GASK1B: variants seen among roughly 807,000 people sequenced by gnomAD.
The protein encoded by GASK1B is golgi associated kinase 1B.
Under a neutral mutation model 42.8 loss-of-function variants are expected in GASK1B, and 34 were observed. The ratio of observed to expected loss-of-function variants is 0.79; its 90% CI spans 0.60 to 1.06. The LOEUF is 1.06. Among genes scored for constraint, GASK1B ranks in the 50% least tolerant of loss-of-function variants. The pLI, the probability that GASK1B is intolerant of heterozygous loss-of-function variation, is 0.00. For synonymous variants in GASK1B, 262 were observed against 259.1 expected (o/e 1.01, Z -0.11); for missense variants, 686 against 661.0 (o/e 1.04, Z -0.42).
intron 3 of GASK1B, among the ~76,000 whole-genome samples, chr4:158,135,241 A>G (rs1411310980): frequency 6.7e-6 from 1 of 150,176 alleles, no homozygotes; most frequent in Admixed American, 6.7e-5. Flanking sequence ...GAATCACTTG[A>G]ACCCGGGAAG....
At chr4:158,135,320 C>CAAAA (rs1219141206) in intron 3 of GASK1B, among the ~76,000 whole-genome samples, 3 of 56,220 alleles carry the variant, frequency 5.3e-5, no homozygotes, top group African/African-American at 7.0e-5. Flanking sequence ...GACTCCGTCT[C>CAAAA]AAAAAAAAAA....
chr4:158,144,488 A>G (rs1315673343), intron 3 of GASK1B, among the ~76,000 whole-genome samples: 1 of 152,164 alleles, frequency 6.6e-6, no homozygotes, highest in Non-Finnish European at 1.5e-5. Flanking sequence ...GCATGTCCAT[A>G]CCCAAAAGTT....
intron 2 of GASK1B, among the ~76,000 whole-genome samples, chr4:158,159,848 G>C (rs1181306667): frequency 6.6e-6 from 1 of 150,834 alleles, no homozygotes; most frequent in Non-Finnish European, 1.5e-5. Context: ...CACTTAGAAT[G>C]AGTGCTTTAC....
chr4:158,136,457 G>A (rs1256097543), intron 3 of GASK1B, among the ~76,000 whole-genome samples: 1 of 152,112 alleles, frequency 6.6e-6, no homozygotes, highest in Middle Eastern at 3.2e-3. Flanking sequence ...TTGAAGGCAA[G>A]TGGGTAGGGC....
At chr4:158,150,836 A>G (rs868216914) in intron 3 of GASK1B, among the ~76,000 whole-genome samples, 1 of 152,164 alleles carries the variant, frequency 6.6e-6, no homozygotes, top group Non-Finnish European at 1.5e-5. Flanking sequence ...TGCCAAGTCA[A>G]ATGTCTTACT....
chr4:158,140,683 A>C (rs547330527), intron 3 of GASK1B, among the ~76,000 whole-genome samples: 2 of 152,344 alleles, frequency 1.3e-5, no homozygotes, highest in South Asian at 4.1e-4. Flanking sequence ...GCACAGGCTT[A>C]GTGAAGAAGC....
At chr4:158,170,185 A>G in intron 2 of GASK1B, 9 of 1,564,980 alleles carry the variant, frequency 5.8e-6, no homozygotes, top group East Asian at 2.2e-5. Flanking sequence ...ATTAGATTTA[A>G]TAAGCCACTG....
intron 3 of GASK1B, among the ~76,000 whole-genome samples, chr4:158,135,235 C>T (rs890848548): frequency 6.8e-6 from 1 of 147,636 alleles, no homozygotes. Flanking sequence ...GCAGGAGAAT[C>T]ACTTGAACCC....
At chr4:158,135,662 T>G (rs1012192712) in intron 3 of GASK1B, among the ~76,000 whole-genome samples, 6 of 151,970 alleles carry the variant, frequency 3.9e-5, no homozygotes, top group Non-Finnish European at 7.4e-5. Context: ...CCATCCTGAT[T>G]GTATCTCTCG....
chr4:158,172,152 G>GTTTCTCTCTCTCTCTCTC (rs1732575751), intron 1 of GASK1B: 1 of 151,760 alleles, frequency 6.6e-6, no homozygotes, highest in Non-Finnish European at 1.5e-5. Flanking sequence ...CATTTATTCT[G>GTTTCTCTCTCTCTCTCTC]TTTCTCTCTC....
At chr4:158,136,452 G>C (rs1471513284) in intron 3 of GASK1B, among the ~76,000 whole-genome samples, 3 of 152,126 alleles carry the variant, frequency 2.0e-5, no homozygotes, top group Non-Finnish European at 4.4e-5. Context: ...AAAGGTTGAA[G>C]GCAAGTGGGT....
intron 2 of GASK1B, among the ~76,000 whole-genome samples, chr4:158,166,433 T>C (rs1473366895): frequency 6.6e-6 from 1 of 152,228 alleles, no homozygotes; most frequent in Non-Finnish European, 1.5e-5. Context: ...GAGAGCTTTA[T>C]CTGAAAGGCT....
chr4:158,125,770 T>C lies in GASK1B; in HGVS notation c.*1637A>G, dbSNP rs1730427241. ...CCATAAGGGTGCTAAAAGTAGTACA[T>C]GAATGTGAGCCTAGAAAAGCTACAA... On this transcript the variant is annotated 3_prime_UTR_variant, in exon 5 of 5. Transcript: ENST00000585682. 6.6e-6 allele frequency: 1 copy of C among 152,138 alleles called. No individual in the cohort carries two copies. Among genetic ancestry groups the C allele is most frequent in the South Asian group, 2.1e-4 (1 of 4,830 alleles). 9.4% of individuals were successfully genotyped at this position (152,138 alleles called of 1,614,324 possible). A position where few individuals can be genotyped will look rare whatever the true frequency, so the allele number is the denominator to read the frequency against.
At position 158,127,568 on chromosome 4, in the gene GASK1B, G is replaced by A. The variant is rs373824929; in HGVS notation, c.1399C>T (p.Gln467Ter). The change falls in exon 5 of 5, where the codon CAG becomes TAG. Residue 467 changes from glutamine (Q) to a stop codon, truncating the protein, a stop_gained. Coordinates refer to ENST00000585682, the MANE Select transcript of GASK1B (RefSeq NM_001128424.2). LOFTEE classifies it high-confidence loss of function. The stretch of plus-strand genomic sequence containing the variant: ...AGAAACAGAGACTGAAGAAGTTTCT[G>A]CCGTAAGTGCTGGCTCTTCAAAACA... ...VSVLKSQHLR[Q>*]KLLQSLFLDK... is the part of the protein sequence containing the mutation. 3.1e-6 allele frequency: 5 copies of A among 1,613,480 alleles called. No homozygotes were observed. The highest frequency in any genetic ancestry group is 4.2e-6 in the Non-Finnish European group (5 of 1,179,764).
chr4:158,143,198 G>A (rs1731200376), intron 3 of GASK1B, among the ~76,000 whole-genome samples: 1 of 152,130 alleles, frequency 6.6e-6, no homozygotes, highest in Non-Finnish European at 1.5e-5. Flanking sequence ...TGTGGATGTG[G>A]AAAGTAGACA....
In GASK1B at chr4:158,130,848, G is replaced by A; in HGVS notation, c.1290C>T (p.Asn430=). The A allele has an allele frequency of 1.2e-6, 2 of 1,613,944 alleles. No individual in the cohort carries two copies. The highest frequency in any genetic ancestry group is 1.7e-6 in the Non-Finnish European group (2 of 1,179,958). ...CTTCACTCCTGTCAAAGAAACCCTT[G>A]TTGTCTATAAAAACCAAATGCCTTG... ...HDPRHLVFID[N]KGFFDRSEDN... Residue 430 remains asparagine (N), a synonymous_variant, in exon 4 of 5, where the codon AAC becomes AAT. Transcript: ENST00000585682.
rs759951390 is a variant in GASK1B at position 158,155,675 on chromosome 4, G to A, written c.1061C>T (p.Ser354Leu). 2 of 1,613,860 alleles carry A rather than the reference G, an allele frequency of 1.2e-6. No homozygotes were observed. Among genetic ancestry groups the A allele is most frequent in the Non-Finnish European group, 8.5e-7 (1 of 1,179,784 alleles). ...ATGATGATGTATTTCAGTACAACCCGATTCAGGCTTGGGTACTCGGCCATT... is the reference window on the plus strand; with the variant it reads ...ATGATGATGTATTTCAGTACAACCCAATTCAGGCTTGGGTACTCGGCCATT... The part of the protein sequence containing the change: ...WQNGRVPKPE[S>L]GCTEIHHHEW... The change falls in exon 3 of 5, where the codon TCG becomes TTG. Residue 354 changes from serine to leucine, a missense_variant. Physicochemically the swap from Ser to Leu is moderately radical, Grantham distance 145. Coordinates refer to ENST00000585682, the MANE Select transcript of GASK1B (RefSeq NM_001128424.2).
At chr4:158,143,190 T>C (rs1163170103) in intron 3 of GASK1B, among the ~76,000 whole-genome samples, 1 of 152,196 alleles carries the variant, frequency 6.6e-6, no homozygotes, top group Non-Finnish European at 1.5e-5. Context: ...GAAATTAATG[T>C]GGATGTGGAA....
chr4:158,157,961 T>C (rs553362228), intron 2 of GASK1B, among the ~76,000 whole-genome samples: 332 of 152,232 alleles, frequency 2.2e-3, no homozygotes, highest in South Asian at 7.2e-3. Flanking sequence ...TGGTTGTTAT[T>C]TGTATATTTA....
Sources: allele counts gnomAD v4.1 joint callset (sites outside exome capture counted in the v4.1 genomes callset), GRCh38; gene constraint gnomAD v4.1.1; transcripts MANE v1.5; gene names NCBI Gene and HGNC (gene_info 2026-07-23, HGNC 2026-07-21).